Variants in PTPRN2 observed in about 807,000 individuals in gnomAD.
PTPRN2 encodes protein tyrosine phosphatase receptor type N2.
In PTPRN2, 74 loss-of-function variants were observed where a neutral mutation model predicts 118.8. That is an observed-to-expected ratio of 0.62 (90% CI 0.52 to 0.76). PTPRN2 has a LOEUF of 0.76. PTPRN2 is among the 30% of genes least tolerant of loss of function. The pLI is 0.00. For missense variants in PTPRN2, 1,481 were observed against 1,394.4 expected, an observed-to-expected ratio of 1.06 and a Z score of -0.99; for synonymous variants, 641 against 608.0, an observed-to-expected ratio of 1.05 and a Z score of -0.80.
chr7:158,011,896 G>T (rs1035465826), intron 11 of PTPRN2, among the ~76,000 whole-genome samples: 5 of 152,174 alleles, frequency 3.3e-5, no homozygotes, highest in African/African-American at 1.2e-4. Flanking sequence ...ACACTGAGGT[G>T]CTTTTTCCCC....
intron 12 of PTPRN2, among the ~76,000 whole-genome samples, chr7:157,883,410 T>C (rs1457029347): frequency 2.7e-4 from 31 of 113,108 alleles, no homozygotes; most frequent in Middle Eastern, 8.9e-3. Flanking sequence ...CAAAAAATGA[T>C]TGTCGGAGAT....
intron 4 of PTPRN2, among the ~76,000 whole-genome samples, chr7:158,199,198 A>G (rs1024762916): frequency 6.6e-6 from 1 of 151,736 alleles, no homozygotes; most frequent in Non-Finnish European, 1.5e-5. Flanking sequence ...TTAGGCTCTC[A>G]GTTCTCAAGG....
intron 2 of PTPRN2, among the ~76,000 whole-genome samples, chr7:158,365,684 CCG>C (rs1375444197): frequency 5.4e-5 from 8 of 149,406 alleles, no homozygotes; most frequent in African/African-American, 7.5e-5. Flanking sequence ...CTGGGAGAAG[CCG>C]CAGCCCAATG....
rs750126925 is a variant in PTPRN2 at position 158,532,783 on chromosome 7, G to A, written c.113-42998C>T. 25 of 534,748 alleles carry A rather than the reference G, an allele frequency of 4.7e-5. 2 individuals are homozygous for A. The highest frequency in any genetic ancestry group is 1.7e-4 in the South Asian group (12 of 71,584). 33.1% of individuals were successfully genotyped at this position (534,748 alleles called of 1,614,324 possible). A position where few individuals can be genotyped will look rare whatever the true frequency, so the allele number is the denominator to read the frequency against. ...TGTTCCTTACAAGACTACATTGAGC[G>A]TGCTGGTGTTAAATGCGTGCAGGCT... On this transcript the variant is annotated intron_variant, in intron 1 of 22. Coordinates refer to ENST00000389418, the MANE Select transcript of PTPRN2 (RefSeq NM_002847.5).
At chr7:157,989,175 T>G (rs1804048319) in intron 11 of PTPRN2, among the ~76,000 whole-genome samples, 1 of 152,168 alleles carries the variant, frequency 6.6e-6, no homozygotes, top group Non-Finnish European at 1.5e-5. Context: ...CCCAGCACTT[T>G]GGGAGGCTGA....
At chr7:158,554,734 G>A (rs2129450423) in intron 1 of PTPRN2, among the ~76,000 whole-genome samples, 1 of 152,262 alleles carries the variant, frequency 6.6e-6, no homozygotes, top group East Asian at 1.9e-4. Flanking sequence ...CTGCTGGCCA[G>A]GCCCTTCCAA....
intron 12 of PTPRN2, among the ~76,000 whole-genome samples, chr7:157,875,032 GACACACACACGCGCACACACAGACACAC>G (rs1795662277): frequency 6.6e-6 from 1 of 150,686 alleles, no homozygotes; most frequent in Non-Finnish European, 1.5e-5. Flanking sequence ...GACACACGCA[GACACACACACGCGCACACACAGACACAC>G]ACACACACAC....
chr7:157,706,631 T>TG (rs1798345655), intron 12 of PTPRN2, among the ~76,000 whole-genome samples: 1 of 150,478 alleles, frequency 6.6e-6, no homozygotes, highest in Non-Finnish European at 1.5e-5. Context: ...CAGATCAACG[T>TG]GACCACATCC....
rs1263593595 is a variant in PTPRN2, at chr7:158,338,669, C to G, written c.164-21737G>C. On this transcript the variant is annotated intron_variant, in intron 2 of 22. Coordinates refer to ENST00000389418, the MANE Select transcript of PTPRN2 (RefSeq NM_002847.5). ...AGCTGATGCCTGCAGACGTCACTCA[C>G]GTACACAGTTCTCACCATAAGAGGT... Among the ~76,000 whole-genome samples, 3 of 25,698 alleles carry G rather than the reference C, an allele frequency of 1.2e-4. 1 individual carries two copies. Among genetic ancestry groups the G allele is most frequent in the Admixed American group, 1.0e-3 (3 of 2,896 alleles). 16.9% of individuals were successfully genotyped at this position (25,698 alleles called of 152,430 possible). A position where few individuals can be genotyped will look rare whatever the true frequency, so the allele number is the denominator to read the frequency against.
At chr7:158,302,977 T>A (rs1008518825) in intron 3 of PTPRN2, among the ~76,000 whole-genome samples, 1 of 152,132 alleles carries the variant, frequency 6.6e-6, no homozygotes, top group Admixed American at 6.5e-5. Context: ...TGCAAAAGCG[T>A]GAAACAAGAA....
intron 12 of PTPRN2, among the ~76,000 whole-genome samples, chr7:157,855,165 AGGAT>A (rs1348190295): frequency 2.1e-5 from 3 of 143,398 alleles, no homozygotes; most frequent in Admixed American, 6.9e-5. Context: ...CGGATCGGGG[AGGAT>A]GGCTGCACCA....
At chr7:157,899,042 T>C (rs1797294912) in intron 11 of PTPRN2, among the ~76,000 whole-genome samples, 1 of 152,240 alleles carries the variant, frequency 6.6e-6, no homozygotes, top group African/African-American at 2.4e-5. Flanking sequence ...GTAGAGACAT[T>C]CTGCAAACTG....
At chr7:157,757,043 G>A (rs1379283486) in intron 12 of PTPRN2, among the ~76,000 whole-genome samples, 3 of 152,232 alleles carry the variant, frequency 2.0e-5, no homozygotes, top group Non-Finnish European at 2.9e-5. Flanking sequence ...ACCCCTGCCA[G>A]AAAAGCAAAC....
intron 3 of PTPRN2, among the ~76,000 whole-genome samples, chr7:158,220,875 T>C (rs1046383681): frequency 1.1e-4 from 16 of 145,738 alleles, no homozygotes; most frequent in African/African-American, 4.1e-4. Context: ...AAAATTCATA[T>C]GGATCCAAAA....
intron 11 of PTPRN2, among the ~76,000 whole-genome samples, chr7:158,032,124 G>C (rs1007499750): frequency 1.3e-5 from 2 of 152,170 alleles, no homozygotes; most frequent in African/African-American, 4.8e-5. Context: ...CTTCCCTTTC[G>C]GAAACCTGCC....
chr7:157,621,792 G>A (rs1803268365), intron 14 of PTPRN2, among the ~76,000 whole-genome samples: 1 of 151,860 alleles, frequency 6.6e-6, no homozygotes, highest in Admixed American at 6.6e-5. Context: ...ATTATCACAT[G>A]CTTTAACGAC....
chr7:157,819,989 CCACA>C (rs992698720), intron 12 of PTPRN2, among the ~76,000 whole-genome samples: 12 of 150,500 alleles, frequency 8.0e-5, no homozygotes, highest in African/African-American at 2.9e-4. Flanking sequence ...CACAACACAC[CCACA>C]CACACAGAGG....
chr7:158,356,760 CAT>C (rs1165376351), intron 2 of PTPRN2, among the ~76,000 whole-genome samples: 1 of 146,322 alleles, frequency 6.8e-6, no homozygotes, highest in Admixed American at 7.0e-5. Flanking sequence ...CAATTCATAA[CAT>C]AACAAAGCAA....
chr7:158,340,898 AC>A (rs779778989), intron 2 of PTPRN2, among the ~76,000 whole-genome samples: 3 of 81,860 alleles, frequency 3.7e-5, no homozygotes, highest in Non-Finnish European at 7.8e-5. Flanking sequence ...AAGAGCTGAC[AC>A]CCGAAGTCAG....
Sources: gnomAD v4.1 joint callset for allele counts (sites outside exome capture counted in the v4.1 genomes callset) on GRCh38, gnomAD v4.1.1 for gene constraint, MANE v1.5 for transcripts, NCBI Gene and HGNC (gene_info 2026-07-23, HGNC 2026-07-21) for gene names.